Variants in PAXBP1 observed in about 807,000 individuals in gnomAD.
PAXBP1 encodes PAX3- and PAX7-binding protein 1.
PAXBP1 carries 44 observed loss-of-function variants against 119.9 expected under a neutral mutation model. The ratio of observed to expected loss-of-function variants is 0.37; its 90% CI spans 0.29 to 0.47. The LOEUF is 0.47. PAXBP1 is among the 20% of genes least tolerant of loss of function. The pLI is 0.99. For synonymous variants in PAXBP1, 393 were observed against 406.6 expected (o/e 0.97, Z 0.40); for missense variants, 898 against 1,134.1 (o/e 0.79, Z 2.99).
intron 1 of PAXBP1, among the ~76,000 whole-genome samples, chr21:32,770,804 G>A (rs2044326548): frequency 6.6e-6 from 1 of 152,220 alleles, no homozygotes; most frequent in Non-Finnish European, 1.5e-5. Flanking sequence ...GGTAAACTGA[G>A]GCTCAGCGAC....
Position 32,755,280 on chromosome 21 carries a change from C to T in PAXBP1, c.1457G>A (p.Arg486Lys). Residue 486 changes from arginine to lysine, a missense_variant, in exon 8 of 18, where the codon AGA becomes AAA. This residue lies in a region of PAXBP1 where 599 missense variants were observed against 852.7 expected (regional missense o/e 0.70). Transcript: ENST00000331923. ...YKQRASRLVQ[R>K]RQDDIKDESS... is the part of the protein sequence containing the mutation. ...TTCATCTTTAATATCATCTTGTCGT[C>T]TTTGGACAAGGCGGGAAGCTCGCTG... is the stretch of plus-strand genomic sequence containing the variant. 6.2e-7 allele frequency: 1 copy of T among 1,613,690 alleles called. No homozygotes were observed. Among genetic ancestry groups the T allele is most frequent in the Non-Finnish European group, 8.5e-7 (1 of 1,179,752 alleles).
intron 5 of PAXBP1, among the ~76,000 whole-genome samples, 139 bp downstream of exon 5, chr21:32,760,898 CGTGCGTGTGTGTGTGTGTGTGT>C (rs1265779706): frequency 3.3e-5 from 4 of 121,510 alleles, no homozygotes; most frequent in Non-Finnish European, 7.2e-5. Context: ...TGTGTGCGTG[CGTGCGTGTGTGTGTGTGTGTGT>C]GTGTGTGTGT....
In PAXBP1 at chr21:32,762,195, C is replaced by T. The variant is rs2044160812; in HGVS notation, c.772G>A (p.Glu258Lys). The T allele has an allele frequency of 6.2e-7, 1 of 1,614,072 alleles. No homozygotes were observed. The highest frequency in any genetic ancestry group is 8.5e-7 in the Non-Finnish European group (1 of 1,180,036). ...PGKGRLVREDENDASDDEDDD... is the reference protein window; with the variant it reads ...PGKGRLVREDKNDASDDEDDD... ...TCTTCATCATCACTGGCATCATTCT[C>T]ATCTTCTCTAACAAGGCGGCCTTTA... The change falls in exon 4 of 18, where the codon GAG (glutamate) becomes AAG (lysine). Residue 258 changes from glutamate to lysine, a missense_variant. Glu to Lys is a moderately conservative substitution (Grantham distance 56, BLOSUM62 1). Around this residue, in one of 2 missense-constraint regions of PAXBP1, gnomAD observed 599 missense variants for 852.7 expected, o/e 0.70. Coordinates refer to ENST00000331923, the MANE Select transcript of PAXBP1 (RefSeq NM_016631.4).
At chr21:32,756,012 T>C (rs1569162471) in intron 7 of PAXBP1, 2 of 212,140 alleles carry the variant, frequency 9.4e-6, no homozygotes, top group Non-Finnish European at 1.9e-5. Context: ...TAAAAAGTTG[T>C]TCTCTTCCTG....
At chr21:32,750,187 T>C (rs922881569) in intron 10 of PAXBP1, among the ~76,000 whole-genome samples, 1 of 152,144 alleles carries the variant, frequency 6.6e-6, no homozygotes, top group South Asian at 2.1e-4. Context: ...CTCTGAAATT[T>C]TGGGGAGTGA....
At chr21:32,761,251 C>CAAA (rs1156878635) in intron 4 of PAXBP1, 89 bp from the exon 5 acceptor site, 1 of 936,450 alleles carries the variant, frequency 1.1e-6, no homozygotes, top group Non-Finnish European at 1.7e-6. Context: ...AAGAACTGAG[C>CAAA]AAAACTATTA....
intron 2 of PAXBP1, 142 bp downstream of exon 2, chr21:32,769,671 TA>T: frequency 1.5e-6 from 1 of 686,900 alleles, no homozygotes; most frequent in South Asian, 2.0e-5. Flanking sequence ...TACAATTAAA[TA>T]ACAGAACTGT....
chr21:32,763,621 G>A (rs1302631053), intron 3 of PAXBP1, among the ~76,000 whole-genome samples: 1 of 152,148 alleles, frequency 6.6e-6, no homozygotes, highest in Non-Finnish European at 1.5e-5. Flanking sequence ...TTATTCAAAG[G>A]CTGATTAGCC....
intron 2 of PAXBP1, among the ~76,000 whole-genome samples, chr21:32,766,173 G>A (rs540215557): frequency 4.6e-5 from 7 of 152,238 alleles, no homozygotes; most frequent in South Asian, 2.1e-4. Context: ...ACCAATGGCT[G>A]TTAATGGACT....
In PAXBP1 at chr21:32,761,906, C is replaced by T. The variant is rs549914964; in HGVS notation, c.871+190G>A. On this transcript the variant is annotated intron_variant, in intron 4 of 17. Coordinates refer to ENST00000331923, the MANE Select transcript of PAXBP1 (RefSeq NM_016631.4). The stretch of plus-strand genomic sequence containing the variant: ...TAAAAAAATTAGCCAGGTGTGGTGA[C>T]GCACACCTGTAGTCCCAGCTACTCG... Among the ~76,000 whole-genome samples, 7 of 152,196 alleles carry T rather than the reference C, an allele frequency of 4.6e-5. No individual in the cohort carries two copies. In the East Asian group the frequency reaches 5.8e-4, roughly 13 times the overall value.
intron 15 of PAXBP1, among the ~76,000 whole-genome samples, chr21:32,740,772 C>T (rs115307833): frequency 0.012 from 1,778 of 151,892 alleles, 34 homozygotes; most frequent in African/African-American, 0.039. Context: ...TTAAGAACTT[C>T]TGCATATGGA....
chr21:32,766,765 A>T (rs904318841), intron 2 of PAXBP1, among the ~76,000 whole-genome samples: 5 of 152,170 alleles, frequency 3.3e-5, no homozygotes, highest in African/African-American at 4.8e-5. Flanking sequence ...CCTTCTTCCA[A>T]ACATCTCTGA....
intron 2 of PAXBP1, among the ~76,000 whole-genome samples, chr21:32,767,043 C>G (rs1411609548): frequency 6.6e-6 from 1 of 152,140 alleles, no homozygotes; most frequent in Non-Finnish European, 1.5e-5. Context: ...GGAATTTTTC[C>G]TTTATATACG....
intron 17 of PAXBP1, 71 bp downstream of exon 17, chr21:32,737,183 T>C: frequency 8.3e-7 from 1 of 1,208,456 alleles, no homozygotes; most frequent in Non-Finnish European, 1.1e-6. Context: ...ACATCTCTAC[T>C]TAAAACATTT....
rs144407550 is a variant in PAXBP1 at position 32,759,815 on chromosome 21, G to A, written c.1155C>T (p.Pro385=). 30 of 1,613,840 alleles carry A rather than the reference G, an allele frequency of 1.9e-5. No homozygotes were observed. Among genetic ancestry groups the A allele is most frequent in the Admixed American group, 1.3e-4 (8 of 59,994 alleles). The change falls in exon 6 of 18, where the codon CCC becomes CCT. Residue 385 remains proline, a synonymous_variant. Transcript: ENST00000331923. Reference sequence around the variant, plus strand: ...GTTTCTTTACCAAATCAATAGTAACGGGAGTCATCTCATTACTGGGAGTTT... The same window carrying A: ...GTTTCTTTACCAAATCAATAGTAACAGGAGTCATCTCATTACTGGGAGTTT... ...PFKTPSNEMT[P]VTIDLVKKQL...
intron 7 of PAXBP1, chr21:32,756,876 G>C (rs1271547260): frequency 2.0e-5 from 3 of 153,656 alleles, no homozygotes; most frequent in Non-Finnish European, 2.9e-5. Context: ...CGGAGGTCCA[G>C]AGAAAAACTC....
At chr21:32,742,856 A>C in intron 15 of PAXBP1, 1 of 335,244 alleles carries the variant, frequency 3.0e-6, no homozygotes, top group Non-Finnish European at 5.9e-6. Flanking sequence ...GTTAAACTTT[A>C]TCATAGGTAT....
chr21:32,735,971 G>A (rs1318936638), intron 17 of PAXBP1, among the ~76,000 whole-genome samples: 1 of 152,164 alleles, frequency 6.6e-6, no homozygotes, highest in African/African-American at 2.4e-5. Flanking sequence ...AGCTGTTAAA[G>A]TTCTTTTCTG....
At chr21:32,746,268 G>GT (rs1772430628) in intron 11 of PAXBP1, among the ~76,000 whole-genome samples, 3 of 152,134 alleles carry the variant, frequency 2.0e-5, no homozygotes, top group Non-Finnish European at 4.4e-5. Flanking sequence ...TTGACAAATG[G>GT]TATCTAATTC....
Sources: gnomAD v4.1 joint callset for allele counts (sites outside exome capture counted in the v4.1 genomes callset) on GRCh38, gnomAD v4.1.1 for gene constraint, gnomAD v4.1.1 regional missense constraint, MANE v1.5 for transcripts, NCBI Gene and HGNC (gene_info 2026-07-23, HGNC 2026-07-21) for gene names.